Variants in RNF123 observed in about 807,000 individuals in gnomAD.
The protein encoded by RNF123 is ring finger protein 123.
A neutral mutation model predicts 168.5 loss-of-function variants in RNF123; 86 were observed. The ratio of observed to expected loss-of-function variants is 0.51; its 90% CI spans 0.43 to 0.61. RNF123 has a LOEUF of 0.61. Among genes scored for constraint, RNF123 ranks in the 20% least tolerant of loss-of-function variants. The pLI is 0.00. For missense variants in RNF123, 1,419 were observed against 1,729.7 expected (o/e 0.82, Z 3.19); for synonymous variants, 666 against 689.1 (o/e 0.97, Z 0.52).
Position 49,715,556 on chromosome 3 carries a change from G to T in RNF123, c.3011-19G>T, listed in dbSNP as rs377106838. The T allele has an allele frequency of 6.2e-7, 1 of 1,613,292 alleles. No individual in the cohort carries two copies. The highest frequency in any genetic ancestry group is 1.7e-4 in the Middle Eastern group (1 of 6,058). On this transcript the variant is annotated intron_variant, in intron 31 of 38. Coordinates refer to ENST00000327697, the MANE Select transcript of RNF123 (RefSeq NM_022064.5). ...CTGCAGTGGAGTCCCTGATGATGCC[G>T]CCTCCTGTCCCCCTGCAGAGCCCTG... is the stretch of plus-strand genomic sequence containing the variant.
intron 35 of RNF123, chr3:49,718,438 T>TG (rs1397911323): frequency 6.2e-7 from 1 of 1,613,002 alleles, no homozygotes; most frequent in Admixed American, 1.7e-5. Flanking sequence ...ATGCTGCTCC[T>TG]GTACGTTGCC....
At chr3:49,701,996 T>C in intron 17 of RNF123, 86 bp downstream of exon 17, 2 of 1,554,430 alleles carry the variant, frequency 1.3e-6, no homozygotes, top group East Asian at 2.3e-5. Flanking sequence ...TAGGTGGGAC[T>C]TGGGGAACCC....
intron 26 of RNF123, among the ~76,000 whole-genome samples, chr3:49,709,592 G>A (rs540411906): frequency 3.9e-5 from 6 of 151,932 alleles, no homozygotes; most frequent in African/African-American, 9.7e-5. Context: ...GAGCCACCGC[G>A]CCTGGCCTAA....
intron 2 of RNF123, 38 bp downstream of exon 2, chr3:49,691,285 T>G: frequency 6.2e-7 from 1 of 1,604,586 alleles, no homozygotes; most frequent in Non-Finnish European, 8.5e-7. Flanking sequence ...CTCCTCTTGT[T>G]GGGAGGAGAA....
intron 24 of RNF123, 65 bp downstream of exon 24, chr3:49,705,744 C>T (rs2054503819): frequency 1.2e-6 from 2 of 1,604,832 alleles, no homozygotes; most frequent in Non-Finnish European, 1.7e-6. Context: ...TGTGTGTATT[C>T]CTGTGTGCAC....
chr3:49,691,382 A>G (rs1264028660), intron 2 of RNF123, 43 bp from the exon 3 acceptor site: 1 of 1,609,376 alleles, frequency 6.2e-7, no homozygotes, highest in Non-Finnish European at 8.5e-7. Flanking sequence ...CAGGAGCTGC[A>G]CTGATCATGT....
intron 35 of RNF123, chr3:49,718,668 G>C (rs756507449): frequency 6.2e-7 from 1 of 1,613,016 alleles, no homozygotes; most frequent in Non-Finnish European, 8.5e-7. Flanking sequence ...AGACGCGGCT[G>C]TGCTGGAAGA....
chr3:49,718,194 G>T, intron 35 of RNF123: 1 of 1,613,000 alleles, frequency 6.2e-7, no homozygotes, highest in Non-Finnish European at 8.5e-7. Flanking sequence ...CTTGGAGCGG[G>T]CTGGGTGTTT....
intron 35 of RNF123, chr3:49,716,789 G>T: frequency 3.0e-6 from 1 of 328,428 alleles, no homozygotes; most frequent in Non-Finnish European, 5.7e-6. Flanking sequence ...GGTGGACAGG[G>T]CCAGGCCGCC....
chr3:49,711,279 A>G (rs906936897), intron 26 of RNF123, among the ~76,000 whole-genome samples: 6 of 152,186 alleles, frequency 3.9e-5, no homozygotes, highest in Non-Finnish European at 7.3e-5. Context: ...ACTGCATTCC[A>G]GCCTTGACGC....
intron 13 of RNF123, 60 bp downstream of exon 13, chr3:49,700,412 A>T: frequency 6.2e-7 from 1 of 1,612,302 alleles, no homozygotes; most frequent in Non-Finnish European, 8.5e-7. Flanking sequence ...GGTCGGGAAG[A>T]TACGGGGAGA....
chr3:49,696,187 G>A (rs1255702762), intron 3 of RNF123, among the ~76,000 whole-genome samples: 4 of 151,690 alleles, frequency 2.6e-5, no homozygotes, highest in Non-Finnish European at 5.9e-5. Flanking sequence ...ATTTCTCCCA[G>A]CCTTCTTCTT....
In RNF123 at chr3:49,701,488, C is replaced by T; in HGVS notation, c.1278-3C>T. On this transcript the variant is annotated splice_polypyrimidine_tract_variant and splice_region_variant and intron_variant, in intron 15 of 38. Transcript: ENST00000327697. ...AGCAGAGCCCTGCCTTGACACCCGCCAGCTTCGACGTGCTCCGCTCCGTCG... is the reference window on the plus strand; with the variant it reads ...AGCAGAGCCCTGCCTTGACACCCGCTAGCTTCGACGTGCTCCGCTCCGTCG... The T allele has an allele frequency of 1.2e-6, 2 of 1,612,686 alleles. No individual in the cohort carries two copies. The highest frequency in any genetic ancestry group is 1.7e-6 in the Non-Finnish European group (2 of 1,179,084).
chr3:49,700,051 G>A lies in RNF123; in HGVS notation c.985-176G>A, dbSNP rs938089875. On this transcript the variant is annotated intron_variant, in intron 12 of 38. Coordinates refer to ENST00000327697, the MANE Select transcript of RNF123 (RefSeq NM_022064.5). ...TGTGCCAAGCCTTAGAGGAGCCGTG[G>A]GGCAATGGCCTTCTTGTCCCTCAGT... The A allele has an allele frequency of 4.7e-6, 4 of 854,700 alleles. No homozygotes were observed. The Admixed American group carries it at 8.2e-5, about 17-fold the overall frequency. 52.9% of individuals were successfully genotyped at this position (854,700 alleles called of 1,614,324 possible). A position where few individuals can be genotyped will look rare whatever the true frequency, so the allele number is the denominator to read the frequency against.
chr3:49,719,013 A>C (rs774893943), intron 35 of RNF123: 1 of 1,613,874 alleles, frequency 6.2e-7, no homozygotes, highest in South Asian at 1.1e-5. Flanking sequence ...CGTGGAAGGC[A>C]TGCTCGTCCA....
At chr3:49,711,706 A>G (rs1479787898) in intron 26 of RNF123, among the ~76,000 whole-genome samples, 1 of 152,144 alleles carries the variant, frequency 6.6e-6, no homozygotes, top group Non-Finnish European at 1.5e-5. Flanking sequence ...CTGAGGCCTC[A>G]TTCTTGCCTG....
intron 25 of RNF123, 72 bp from the exon 26 acceptor site, chr3:49,706,719 T>C: frequency 7.3e-7 from 1 of 1,361,528 alleles, no homozygotes; most frequent in Admixed American, 1.7e-5. Flanking sequence ...CTTCCTAGGC[T>C]GCCTGCAGGA....
chr3:49,702,672 T>C lies in RNF123; in HGVS notation c.1669T>C (p.Phe557Leu). Reference protein sequence around the residue: ...MLCPPEYMVCFLHRLISALRY... With the variant: ...MLCPPEYMVCLLHRLISALRY... Reference sequence around the variant, plus strand: ...CTGCCCCCCTGAGTACATGGTCTGCTTCTTACACCGGCTGATCTCTGCCCT... The same window carrying C: ...CTGCCCCCCTGAGTACATGGTCTGCCTCTTACACCGGCTGATCTCTGCCCT... Residue 557 changes from phenylalanine (F) to leucine (L), a missense_variant, in exon 20 of 39, where the codon TTC becomes CTC. Coordinates refer to ENST00000327697, the MANE Select transcript of RNF123 (RefSeq NM_022064.5). 1 of 1,614,260 alleles carries C rather than the reference T, an allele frequency of 6.2e-7. No homozygotes were observed. The highest frequency in any genetic ancestry group is 1.3e-5 in the African/African-American group (1 of 75,072).
chr3:49,701,999 GGGAA>G, intron 17 of RNF123, 80 bp from the exon 18 acceptor site: 1 of 1,561,674 alleles, frequency 6.4e-7, no homozygotes, highest in Non-Finnish European at 8.7e-7. Flanking sequence ...GTGGGACTTG[GGGAA>G]CCCTGGTGGT....
Sources: allele counts gnomAD v4.1 joint callset (sites outside exome capture counted in the v4.1 genomes callset), GRCh38; gene constraint gnomAD v4.1.1; transcripts MANE v1.5; gene names NCBI Gene and HGNC (gene_info 2026-07-23, HGNC 2026-07-21).